PPP1R12B: variants seen among roughly 807,000 people sequenced by gnomAD.
PPP1R12B encodes the protein protein phosphatase 1 regulatory subunit 12B.
Under a neutral mutation model 126.1 loss-of-function variants are expected in PPP1R12B, and 76 were observed. That is an observed-to-expected ratio of 0.60 (90% CI 0.50 to 0.73). The LOEUF (loss-of-function observed/expected upper bound fraction) is 0.73. Ranked by LOEUF, PPP1R12B falls within the 30% of genes least tolerant of loss-of-function variation. The pLI is 0.00. For missense variants in PPP1R12B, 1,052 were observed against 1,205.1 expected, an observed-to-expected ratio of 0.87 and a Z score of 1.88; for synonymous variants, 356 against 434.7, an observed-to-expected ratio of 0.82 and a Z score of 2.25.
intron 10 of PPP1R12B, chr1:202,438,288 A>G: frequency 6.5e-7 from 1 of 1,540,582 alleles, no homozygotes. Flanking sequence ...CCTTACCTAA[A>G]GCAAAAAATG....
At chr1:202,364,936 T>C (rs1006626909) in intron 1 of PPP1R12B, among the ~76,000 whole-genome samples, 10 of 152,186 alleles carry the variant, frequency 6.6e-5, no homozygotes, top group Non-Finnish European at 1.3e-4. Context: ...GGTCTTGAAC[T>C]CCTGGGCTCA....
chr1:202,501,445 C>T (rs530302378), intron 18 of PPP1R12B, among the ~76,000 whole-genome samples: 194 of 152,240 alleles, frequency 1.3e-3, no homozygotes, highest in Non-Finnish European at 2.1e-3. Context: ...GTTTTCCAAG[C>T]CAATCCTGTT....
chr1:202,403,089 GAAAGT>G (rs1666084069), intron 1 of PPP1R12B, among the ~76,000 whole-genome samples: 1 of 152,106 alleles, frequency 6.6e-6, no homozygotes, highest in Admixed American at 6.6e-5. Context: ...GGGAAAATAA[GAAAGT>G]AAAGGGGATG....
intron 1 of PPP1R12B, among the ~76,000 whole-genome samples, chr1:202,367,463 C>A (rs747932281): frequency 1.3e-5 from 2 of 152,096 alleles, no homozygotes; most frequent in Non-Finnish European, 2.9e-5. Flanking sequence ...TCATCTGATC[C>A]CCCATTAGCT....
At chr1:202,546,356 G>A (rs1448745021) in intron 18 of PPP1R12B, among the ~76,000 whole-genome samples, 1 of 152,202 alleles carries the variant, frequency 6.6e-6, no homozygotes, top group African/African-American at 2.4e-5. Flanking sequence ...TGTAATTCCA[G>A]CATTTTGGGA....
At chr1:202,553,328 A>G (rs1686512990) in intron 18 of PPP1R12B, among the ~76,000 whole-genome samples, 1 of 152,142 alleles carries the variant, frequency 6.6e-6, no homozygotes, top group African/African-American at 2.4e-5. Context: ...CCTTCTTTGA[A>G]CAGTTTCTAT....
At chr1:202,396,944 C>T (rs1412836288) in intron 1 of PPP1R12B, among the ~76,000 whole-genome samples, 4 of 152,104 alleles carry the variant, frequency 2.6e-5, no homozygotes, top group Non-Finnish European at 5.9e-5. Context: ...ATTTTGGAGC[C>T]TTTCTCTTTA....
intron 12 of PPP1R12B, among the ~76,000 whole-genome samples, chr1:202,443,657 A>G (rs2148701318): frequency 1.3e-5 from 2 of 152,312 alleles, no homozygotes; most frequent in East Asian, 3.9e-4. Flanking sequence ...GCTATCACCT[A>G]TTTGTCTTAA....
At chr1:202,514,139 A>G (rs1260718814) in intron 18 of PPP1R12B, among the ~76,000 whole-genome samples, 1 of 151,502 alleles carries the variant, frequency 6.6e-6, no homozygotes, top group Non-Finnish European at 1.5e-5. Flanking sequence ...GACTGGTGTG[A>G]GATGGTATCT....
At chr1:202,555,114 C>T (rs1036243410) in intron 18 of PPP1R12B, among the ~76,000 whole-genome samples, 4 of 151,672 alleles carry the variant, frequency 2.6e-5, no homozygotes, top group African/African-American at 9.7e-5. Context: ...TTATGTCAAC[C>T]TCCTCAGTGA....
At chr1:202,442,809 C>G (rs998817735) in intron 12 of PPP1R12B, among the ~76,000 whole-genome samples, 4 of 152,108 alleles carry the variant, frequency 2.6e-5, no homozygotes, top group Non-Finnish European at 5.9e-5. Flanking sequence ...TTTATCCTCT[C>G]CATCCTATTA....
In PPP1R12B at chr1:202,589,621, G is replaced by C. The variant is rs552158201; in HGVS notation, c.*9061G>C. ...TATCACCTAGCCGTCACGTGGTCCA[G>C]CCCTCTTGGGGGGAAAGGAGAAGGC... On this transcript the variant is annotated 3_prime_UTR_variant, in exon 24 of 24. Coordinates refer to ENST00000608999, the MANE Select transcript of PPP1R12B (RefSeq NM_002481.4). 34 of 152,386 alleles carry C rather than the reference G, an allele frequency of 2.2e-4. No homozygotes were observed. The highest frequency in any genetic ancestry group is 7.5e-4 in the African/African-American group (31 of 41,566). 9.4% of individuals were successfully genotyped at this position (152,386 alleles called of 1,614,324 possible).
rs753483572 is a variant in PPP1R12B, at chr1:202,416,772, G to A, written c.292-15G>A. The A allele has an allele frequency of 6.8e-6, 11 of 1,612,024 alleles. No individual in the cohort carries two copies. The highest frequency in any genetic ancestry group is 9.3e-6 in the Non-Finnish European group (11 of 1,178,630). ...TGAATACTTGTTGAATGAATGAATG[G>A]ACTTTTCTTTTCAGGCATGTATTGA... On this transcript the variant is annotated splice_polypyrimidine_tract_variant and intron_variant, in intron 1 of 23. Coordinates refer to ENST00000608999, the MANE Select transcript of PPP1R12B (RefSeq NM_002481.4).
At chr1:202,467,218 C>T (rs1466994473) in intron 13 of PPP1R12B, among the ~76,000 whole-genome samples, 6 of 151,014 alleles carry the variant, frequency 4.0e-5, no homozygotes, top group Non-Finnish European at 7.4e-5. Flanking sequence ...GGATGTCTCT[C>T]TCTTTTTTTT....
chr1:202,379,105 A>C (rs1661777418), intron 1 of PPP1R12B, among the ~76,000 whole-genome samples: 1 of 152,120 alleles, frequency 6.6e-6, no homozygotes, highest in Non-Finnish European at 1.5e-5. Flanking sequence ...TCCTGGACTC[A>C]AGATATGCAT....
chr1:202,524,215 G>T (rs1333288487), intron 18 of PPP1R12B, among the ~76,000 whole-genome samples: 1 of 152,282 alleles, frequency 6.6e-6, no homozygotes, highest in Middle Eastern at 3.4e-3. Context: ...TCCTGGAAGG[G>T]CTTGTGGGAT....
chr1:202,533,602 A>G (rs1162575450), intron 18 of PPP1R12B, among the ~76,000 whole-genome samples: 1 of 152,164 alleles, frequency 6.6e-6, no homozygotes, highest in Non-Finnish European at 1.5e-5. Context: ...TACGGGCATG[A>G]GCCATCACGC....
chr1:202,534,466 T>C (rs1445239714), intron 18 of PPP1R12B, among the ~76,000 whole-genome samples: 1 of 152,204 alleles, frequency 6.6e-6, no homozygotes, highest in Non-Finnish European at 1.5e-5. Context: ...TGGATGCATT[T>C]GCTTACATAT....
At chr1:202,487,624 TG>T (rs1678330721) in intron 13 of PPP1R12B, among the ~76,000 whole-genome samples, 2 of 152,026 alleles carry the variant, frequency 1.3e-5, no homozygotes, top group Non-Finnish European at 1.5e-5. Flanking sequence ...TTCTTTTTTT[TG>T]GAGACCTAGT....
Sources: gnomAD v4.1 joint callset for allele counts (sites outside exome capture counted in the v4.1 genomes callset) on GRCh38, gnomAD v4.1.1 for gene constraint, MANE v1.5 for transcripts, NCBI Gene and HGNC (gene_info 2026-07-23, HGNC 2026-07-21) for gene names.